KIF5C: variants seen among roughly 807,000 people sequenced by gnomAD.
KIF5C encodes kinesin heavy chain isoform 5C.
Under a neutral mutation model 125.2 loss-of-function variants are expected in KIF5C, and 18 were observed. The ratio of observed to expected loss-of-function variants is 0.14; its 90% CI spans 0.10 to 0.21. KIF5C has a LOEUF of 0.21. KIF5C is among the 10% of genes least tolerant of loss of function. The pLI, the probability that KIF5C is intolerant of heterozygous loss-of-function variation, is 1.00. For synonymous variants in KIF5C, 405 were observed against 434.0 expected, an observed-to-expected ratio of 0.93 and a Z score of 0.83; for missense variants, 780 against 1,183.8, an observed-to-expected ratio of 0.66 and a Z score of 5.01.
intron 17 of KIF5C, among the ~76,000 whole-genome samples, chr2:148,995,396 G>A (rs894096777): frequency 1.3e-5 from 2 of 152,206 alleles, no homozygotes; most frequent in Admixed American, 6.5e-5. Context: ...TTGCCAGCCA[G>A]CCTTGTGATC....
At chr2:148,989,590 T>G (rs1170843313) in intron 15 of KIF5C, among the ~76,000 whole-genome samples, 1 of 152,260 alleles carries the variant, frequency 6.6e-6, no homozygotes, top group African/African-American at 2.4e-5. Flanking sequence ...TGTACTAGTT[T>G]ACGTTCCCAC....
In KIF5C at chr2:148,906,333, T is replaced by C. The variant is rs72866023; in HGVS notation, c.127-15804T>C. On this transcript the variant is annotated intron_variant, in intron 1 of 25. Coordinates refer to ENST00000435030, the MANE Select transcript of KIF5C (RefSeq NM_004522.3). Reference sequence around the variant, plus strand: ...AGGAATCTCAGGAAATACTGACTCATTGATCATAAGGAAGTCCCATGGGAG... The same window carrying C: ...AGGAATCTCAGGAAATACTGACTCACTGATCATAAGGAAGTCCCATGGGAG... 1.9e-3 allele frequency among the ~76,000 whole-genome samples: 294 copies of C among 152,222 alleles called. 1 individual carries two copies. Among genetic ancestry groups the C allele is most frequent in the Non-Finnish European group, 2.6e-3 (180 of 67,996 alleles).
At chr2:148,914,431 G>A (rs1382414300) in intron 1 of KIF5C, among the ~76,000 whole-genome samples, 1 of 152,094 alleles carries the variant, frequency 6.6e-6, no homozygotes, top group South Asian at 2.1e-4. Context: ...ATTATCACTC[G>A]GGCAGTTTGC....
chr2:148,907,237 T>C (rs1280398427), intron 1 of KIF5C, among the ~76,000 whole-genome samples: 8 of 151,740 alleles, frequency 5.3e-5, no homozygotes, highest in Admixed American at 6.6e-5. Flanking sequence ...CCCCTGACAG[T>C]GGCTGACTGG....
rs1681190520 is a variant in KIF5C, at chr2:148,876,337, C to T, written c.126+594C>T. Among the ~76,000 whole-genome samples the T allele has an allele frequency of 6.6e-6, 1 of 152,194 alleles. No individual in the cohort carries two copies. Among genetic ancestry groups the T allele is most frequent in the Non-Finnish European group, 1.5e-5 (1 of 68,018 alleles). On this transcript the variant is annotated intron_variant, in intron 1 of 25. Transcript: ENST00000435030. The surrounding 1 kb of genome is among the most constrained non-coding windows in gnomAD (Gnocchi z 4.7). ...CGGAGGGTTGGGGGAGTACTGGTGG[C>T]CTCGGTGTCCCCTGGAGGCCTGGTG...
At chr2:149,007,888 T>C (rs1258288932) in intron 22 of KIF5C, 75 bp from the exon 23 acceptor site, 1 of 1,364,734 alleles carries the variant, frequency 7.3e-7, no homozygotes, top group Non-Finnish European at 9.6e-7. Context: ...GATTTTTTTT[T>C]TCCATCCACA....
At chr2:148,890,919 A>G (rs1173473736) in intron 1 of KIF5C, among the ~76,000 whole-genome samples, 1 of 152,204 alleles carries the variant, frequency 6.6e-6, no homozygotes, top group African/African-American at 2.4e-5. Context: ...GGAGGATGAC[A>G]TTGTTCTGGC....
At position 148,949,694 on chromosome 2, in the gene KIF5C, T is replaced by C. The variant is rs539189906; in HGVS notation, c.715-145T>C. 12 of 1,196,570 alleles carry C rather than the reference T, an allele frequency of 1.0e-5. No homozygotes were observed. In the African/African-American group the frequency reaches 1.9e-4, roughly 19 times the overall value. 74.1% of individuals were successfully genotyped at this position (1,196,570 alleles called of 1,614,324 possible). A position where few individuals can be genotyped will look rare whatever the true frequency, so the allele number is the denominator to read the frequency against. On this transcript the variant is annotated intron_variant, in intron 8 of 25. Coordinates refer to ENST00000435030, the MANE Select transcript of KIF5C (RefSeq NM_004522.3). ...CCCCAGCCTCATACACGAAGGATGG[T>C]TTTTTATCACTGTGGGTCTTCTCTA...
At chr2:149,010,491 C>T (rs1293045926) in intron 24 of KIF5C, 140 bp downstream of exon 24, 1 of 1,395,654 alleles carries the variant, frequency 7.2e-7, no homozygotes, top group East Asian at 2.5e-5. Flanking sequence ...ACGCAGCCCT[C>T]ACCGCACCCT....
At chr2:148,913,060 T>G (rs1204305116) in intron 1 of KIF5C, among the ~76,000 whole-genome samples, 2 of 152,244 alleles carry the variant, frequency 1.3e-5, no homozygotes, top group African/African-American at 2.4e-5. Context: ...TTTTGGTTAA[T>G]GTAATTATAC....
chr2:148,993,256 G>A (rs983365187), intron 16 of KIF5C, among the ~76,000 whole-genome samples: 1 of 152,156 alleles, frequency 6.6e-6, no homozygotes, highest in Non-Finnish European at 1.5e-5. Flanking sequence ...GCTCTGAATC[G>A]TCCAGGTCTC....
At chr2:149,018,717 T>C (rs1682444433) in intron 25 of KIF5C, among the ~76,000 whole-genome samples, 2 of 152,122 alleles carry the variant, frequency 1.3e-5, no homozygotes, top group East Asian at 3.8e-4. Flanking sequence ...CTTACGCCTG[T>C]AGTCCCAACC....
At chr2:148,904,351 G>A (rs1033925041) in intron 1 of KIF5C, among the ~76,000 whole-genome samples, 7 of 152,178 alleles carry the variant, frequency 4.6e-5, no homozygotes, top group African/African-American at 1.7e-4. Context: ...TAGATCCTTG[G>A]CAAGTTCCTT....
At chr2:148,977,047 A>C (rs796400262) in intron 12 of KIF5C, among the ~76,000 whole-genome samples, 1 of 152,224 alleles carries the variant, frequency 6.6e-6, no homozygotes, top group African/African-American at 2.4e-5. Flanking sequence ...ACACCTTATT[A>C]TTCTGGAGGT....
intron 10 of KIF5C, among the ~76,000 whole-genome samples, chr2:148,952,869 A>G (rs950828066): frequency 2.6e-5 from 4 of 152,184 alleles, no homozygotes; most frequent in African/African-American, 9.7e-5. Flanking sequence ...CGTCTTAAAT[A>G]ATCTCACAGT....
intron 16 of KIF5C, among the ~76,000 whole-genome samples, chr2:148,991,577 T>C (rs562241427): frequency 6.6e-6 from 1 of 152,212 alleles, no homozygotes; most frequent in South Asian, 2.1e-4. Flanking sequence ...CTACTACTAA[T>C]AGTAGTAGTA....
At chr2:148,963,529 T>C (rs529136985) in intron 11 of KIF5C, among the ~76,000 whole-genome samples, 17 of 152,238 alleles carry the variant, frequency 1.1e-4, no homozygotes, top group Non-Finnish European at 2.4e-4. Flanking sequence ...TTTTGAAAGA[T>C]TTTCTAGCAG....
chr2:148,919,506 T>C (rs1681697358), intron 1 of KIF5C, among the ~76,000 whole-genome samples: 1 of 152,210 alleles, frequency 6.6e-6, no homozygotes, highest in African/African-American at 2.4e-5. Flanking sequence ...GGAGAAACCT[T>C]TAGCCATGGT....
At chr2:148,930,570 C>T (rs913902568) in intron 3 of KIF5C, among the ~76,000 whole-genome samples, 2 of 152,130 alleles carry the variant, frequency 1.3e-5, no homozygotes, top group African/African-American at 4.8e-5. Context: ...GCTGCAGAAT[C>T]GGTTTAGCTT....
Sources: gnomAD v4.1 joint callset for allele counts (sites outside exome capture counted in the v4.1 genomes callset) on GRCh38, gnomAD v4.1.1 for gene constraint, Gnocchi (gnomAD v3.1) non-coding constraint, MANE v1.5 for transcripts, NCBI Gene and HGNC (gene_info 2026-07-23, HGNC 2026-07-21) for gene names.